The following FBXL4 variants were observed in gnomAD, a reference collection of about 807,000 sequenced individuals.
FBXL4 encodes F-box/LRR-repeat protein 4.
In FBXL4, 40 loss-of-function variants were observed where a neutral mutation model predicts 58.9. The ratio of observed to expected loss-of-function variants is 0.68; its 90% CI spans 0.53 to 0.88. The LOEUF (loss-of-function observed/expected upper bound fraction) is 0.88. FBXL4 is among the 40% of genes least tolerant of loss of function. The pLI, the probability that FBXL4 is intolerant of heterozygous loss-of-function variation, is 0.00. For missense variants in FBXL4, 676 were observed against 734.4 expected, an observed-to-expected ratio of 0.92 and a Z score of 0.92; for synonymous variants, 263 against 265.5, an observed-to-expected ratio of 0.99 and a Z score of 0.09.
chr6:98,939,075 CAAAAAAAAAA>C (rs3068704), intron 1 of FBXL4, among the ~76,000 whole-genome samples: 312 of 25,260 alleles, frequency 0.012, 1 homozygote, highest in Middle Eastern at 0.036. Flanking sequence ...GACCTTGTCT[CAAAAAAAAAA>C]AAAAAAAAAA....
intron 7 of FBXL4, among the ~76,000 whole-genome samples, chr6:98,888,319 C>T (rs1771109395): frequency 6.6e-6 from 1 of 152,184 alleles, no homozygotes; most frequent in South Asian, 2.1e-4. Flanking sequence ...GTGATAGAGC[C>T]CATAGGGCCT....
rs1467203409 is a variant in FBXL4, at chr6:98,873,379, T to C, written c.*899A>G. 6.7e-6 allele frequency: 1 copy of C among 149,222 alleles called. No individual in the cohort carries two copies. Among genetic ancestry groups the C allele is most frequent in the Non-Finnish European group, 1.5e-5 (1 of 67,458 alleles). The allele number at this position is 149,222 out of a possible 1,614,324, so 9.2% of individuals were successfully genotyped here. On this transcript the variant is annotated 3_prime_UTR_variant, in exon 10 of 10. Coordinates refer to ENST00000369244, the MANE Select transcript of FBXL4 (RefSeq NM_001278716.2). ...ATAATGTGTATATATAATATATATC[T>C]CCACATTTATGTTTTTTTATATAAT... is the stretch of plus-strand genomic sequence containing the variant.
intron 7 of FBXL4, among the ~76,000 whole-genome samples, chr6:98,893,983 TCCTC>T (rs1305177440): frequency 6.6e-6 from 1 of 152,140 alleles, no homozygotes; most frequent in African/African-American, 2.4e-5. Context: ...GCTCAAGTGA[TCCTC>T]CCACCTCAGT....
chr6:98,868,706 T>C lies in FBXL4; in HGVS notation c.*5572A>G, dbSNP rs1289899180. The C allele has an allele frequency of 6.6e-6, 1 of 152,240 alleles. No individual in the cohort carries two copies. The highest frequency in any genetic ancestry group is 2.4e-5 in the African/African-American group (1 of 41,474). The allele number at this position is 152,240 out of a possible 1,614,324, so 9.4% of individuals were successfully genotyped here. ...GTTTTATCTTTAGTGTATTCTACTCTATTTATCTGATACGACTATTTTGCT... is the reference window on the plus strand; with the variant it reads ...GTTTTATCTTTAGTGTATTCTACTCCATTTATCTGATACGACTATTTTGCT... On this transcript the variant is annotated 3_prime_UTR_variant, in exon 10 of 10. Coordinates refer to ENST00000369244, the MANE Select transcript of FBXL4 (RefSeq NM_001278716.2).
rs933833134 is a variant in FBXL4 at position 98,918,671 on chromosome 6, T to C, written c.513-952A>G. Reference sequence around the variant, plus strand: ...AAAATTAGAAACATTTAAAAATACTTCAATTATCACCTTTTCTCTATTCCT... The same window carrying C: ...AAAATTAGAAACATTTAAAAATACTCCAATTATCACCTTTTCTCTATTCCT... On this transcript the variant is annotated intron_variant, in intron 4 of 9. Coordinates refer to ENST00000369244, the MANE Select transcript of FBXL4 (RefSeq NM_001278716.2). Among the ~76,000 whole-genome samples, 5 of 152,218 alleles carry C rather than the reference T, an allele frequency of 3.3e-5. No individual in the cohort carries two copies. In the East Asian group the frequency reaches 7.7e-4, roughly 23 times the overall value.
At chr6:98,937,552 G>C (rs894952956) in intron 1 of FBXL4, among the ~76,000 whole-genome samples, 1 of 152,126 alleles carries the variant, frequency 6.6e-6, no homozygotes, top group Admixed American at 6.5e-5. Flanking sequence ...TCTTCATGTT[G>C]AGTAGGCTGA....
At chr6:98,880,487 A>G in intron 8 of FBXL4, 66 bp downstream of exon 8, 1 of 1,327,726 alleles carries the variant, frequency 7.5e-7, no homozygotes, top group Non-Finnish European at 1.1e-6. Context: ...GTCAGGATAC[A>G]TTTCACCCAT....
chr6:98,914,827 G>C (rs933260844), intron 5 of FBXL4, among the ~76,000 whole-genome samples: 10 of 152,116 alleles, frequency 6.6e-5, no homozygotes, highest in African/African-American at 2.2e-4. Context: ...AGGGCAATTA[G>C]GCAGGAGAAG....
chr6:98,916,459 C>T (rs1389371693), intron 5 of FBXL4, among the ~76,000 whole-genome samples: 1 of 151,528 alleles, frequency 6.6e-6, no homozygotes, highest in African/African-American at 2.4e-5. Flanking sequence ...AAATGTGGCA[C>T]ATATACACCA....
chr6:98,900,109 G>A (rs1771551300), intron 6 of FBXL4, among the ~76,000 whole-genome samples: 1 of 152,126 alleles, frequency 6.6e-6, no homozygotes, highest in Non-Finnish European at 1.5e-5. Context: ...CAAGATGAAG[G>A]TCACAAAATG....
chr6:98,926,425 C>A, intron 4 of FBXL4, 52 bp downstream of exon 4: 2 of 1,498,332 alleles, frequency 1.3e-6, no homozygotes, highest in Non-Finnish European at 8.9e-7. Context: ...CCAATATTAA[C>A]AACCAAAACC....
chr6:98,914,924 T>C (rs1250068291), intron 5 of FBXL4, among the ~76,000 whole-genome samples: 1 of 152,112 alleles, frequency 6.6e-6, no homozygotes, highest in African/African-American at 2.4e-5. Context: ...AAAACCCCAT[T>C]GTCTCAGCCC....
At chr6:98,940,339 A>G (rs1422338734) in intron 1 of FBXL4, among the ~76,000 whole-genome samples, 1 of 152,212 alleles carries the variant, frequency 6.6e-6, no homozygotes, top group African/African-American at 2.4e-5. Context: ...CTACATTGGT[A>G]TATCAATTCA....
chr6:98,895,034 C>A lies in FBXL4; in HGVS notation c.1317+4234G>T, dbSNP rs144112303. On this transcript the variant is annotated intron_variant, in intron 7 of 9. Transcript: ENST00000369244. ...ACTGAGTCATCAGGCCTGCTGCATG[C>A]CTGGCTATGGCTAACGACTTAAGAA... 2.2e-3 allele frequency among the ~76,000 whole-genome samples: 335 copies of A among 152,274 alleles called. 2 individuals carry two copies. Among genetic ancestry groups the A allele is most frequent in the African/African-American group, 7.7e-3 (319 of 41,558 alleles).
chr6:98,927,913 C>G (rs1050082014), intron 2 of FBXL4, 91 bp from the exon 3 acceptor site: 1 of 152,170 alleles, frequency 6.6e-6, no homozygotes, highest in Non-Finnish European at 1.5e-5. Flanking sequence ...TTCAACCCTT[C>G]AAATCAAACA....
intron 7 of FBXL4, among the ~76,000 whole-genome samples, chr6:98,886,355 G>A (rs1265311599): frequency 1.3e-5 from 2 of 152,114 alleles, no homozygotes; most frequent in Non-Finnish European, 2.9e-5. Flanking sequence ...AGCAGTGTCT[G>A]ACATACCTTT....
At chr6:98,930,324 G>C (rs1047065582) in intron 2 of FBXL4, among the ~76,000 whole-genome samples, 2 of 152,242 alleles carry the variant, frequency 1.3e-5, no homozygotes, top group African/African-American at 4.8e-5. Context: ...GGAGGCCCAG[G>C]TGGGAGAATC....
chr6:98,935,402 A>G (rs1773172840), intron 1 of FBXL4, among the ~76,000 whole-genome samples: 1 of 152,006 alleles, frequency 6.6e-6, no homozygotes, highest in Non-Finnish European at 1.5e-5. Flanking sequence ...TTCTAATTAC[A>G]CAGGTACGAT....
intron 5 of FBXL4, among the ~76,000 whole-genome samples, chr6:98,913,974 T>TA (rs1562237445): frequency 6.6e-6 from 1 of 152,002 alleles, no homozygotes; most frequent in African/African-American, 2.4e-5. Flanking sequence ...TAAAAAATGA[T>TA]AAAGGGGATA....
Sources: gnomAD v4.1 joint callset for allele counts (sites outside exome capture counted in the v4.1 genomes callset) on GRCh38, gnomAD v4.1.1 for gene constraint, MANE v1.5 for transcripts, NCBI Gene and HGNC (gene_info 2026-07-23, HGNC 2026-07-21) for gene names.